Variants in FREM3 observed in about 807,000 individuals in gnomAD.
FREM3 encodes FRAS1-related extracellular matrix protein 3.
A neutral mutation model predicts 129.1 loss-of-function variants in FREM3; 105 were observed. That is an observed-to-expected ratio of 0.81 (90% CI 0.69 to 0.96). The LOEUF (loss-of-function observed/expected upper bound fraction) is 0.96, where lower values mean the gene tolerates loss of function less well. Among genes scored for constraint, FREM3 ranks in the 40% least tolerant of loss-of-function variants. FREM3 has a pLI of 0.00. For missense variants in FREM3, 2,593 were observed against 2,666.3 expected (o/e 0.97, Z 0.61); for synonymous variants, 1,014 against 1,044.9 (o/e 0.97, Z 0.57).
intron 6 of FREM3, among the ~76,000 whole-genome samples, chr4:143,607,770 C>T (rs1032849875): frequency 6.6e-6 from 1 of 152,026 alleles, no homozygotes; most frequent in South Asian, 2.1e-4. Context: ...TATTAGTTTC[C>T]TTTTGTTGCT....
At chr4:143,686,303 A>C (rs2149860799) in intron 2 of FREM3, among the ~76,000 whole-genome samples, 1 of 152,284 alleles carries the variant, frequency 6.6e-6, no homozygotes, top group East Asian at 1.9e-4. Flanking sequence ...TGCACCTAAC[A>C]CTGGAGCTCC....
intron 6 of FREM3, among the ~76,000 whole-genome samples, chr4:143,589,726 T>A (rs1165381660): frequency 6.6e-6 from 1 of 152,210 alleles, no homozygotes; most frequent in East Asian, 1.9e-4. Context: ...CGATGTGGGC[T>A]CTTTTTTGGT....
chr4:143,698,228 G>T lies in FREM3; in HGVS notation c.2448C>A (p.Gly816=), dbSNP rs1308889108. The T allele has an allele frequency of 5.2e-6, 8 of 1,537,286 alleles. No individual in the cohort carries two copies. Among genetic ancestry groups the T allele is most frequent in the Admixed American group, 2.0e-5 (1 of 50,984 alleles). The change falls in exon 1 of 8, where the codon GGC becomes GGA. Residue 816 remains glycine (G), a synonymous_variant. Coordinates refer to ENST00000329798, the MANE Select transcript of FREM3 (RefSeq NM_001168235.2). ...CAGGTTGCAGGAATAATGTGAATGT[G>T]CCTGGCACGCTATTGCCTGCAGCAT... The part of the protein sequence containing the change: ...VEDAAGNSVP[G]TFTLFLQPVD...
chr4:143,664,716 C>T (rs1182118238), intron 2 of FREM3, among the ~76,000 whole-genome samples: 3 of 152,154 alleles, frequency 2.0e-5, no homozygotes, highest in African/African-American at 7.2e-5. Flanking sequence ...GCAGGCAGGC[C>T]TCCTTGAGCT....
chr4:143,642,176 C>T (rs542775545), intron 2 of FREM3, among the ~76,000 whole-genome samples: 5 of 152,084 alleles, frequency 3.3e-5, no homozygotes, highest in African/African-American at 9.6e-5. Flanking sequence ...GGAAAGATAT[C>T]CTGTGTTTCT....
chr4:143,675,528 A>T (rs1219672275), intron 2 of FREM3, among the ~76,000 whole-genome samples: 3 of 152,204 alleles, frequency 2.0e-5, no homozygotes, highest in African/African-American at 7.2e-5. Flanking sequence ...GAAGGCAAGA[A>T]ATAACTAAGA....
At chr4:143,674,061 C>G (rs530845629) in intron 2 of FREM3, among the ~76,000 whole-genome samples, 1 of 152,212 alleles carries the variant, frequency 6.6e-6, no homozygotes, top group Non-Finnish European at 1.5e-5. Flanking sequence ...ATGCCTCGCC[C>G]TGCTTTGGCT....
In FREM3 at chr4:143,646,941, G is replaced by C. The variant is rs182682069; in HGVS notation, c.5276-19181C>G. ...GACTTGTAGGGCTCAGAAGAAGATA[G>C]GAAAATGTGGAAAAGTTTAGAACTT... is the stretch of plus-strand genomic sequence containing the variant. On this transcript the variant is annotated intron_variant, in intron 2 of 7. Transcript: ENST00000329798. Among the ~76,000 whole-genome samples the C allele has an allele frequency of 2.6e-3, 400 of 152,272 alleles. 3 individuals carry two copies. Among genetic ancestry groups the C allele is most frequent in the African/African-American group, 9.1e-3 (380 of 41,548 alleles).
Position 143,699,062 on chromosome 4 carries a change from AG to A in FREM3, c.1613del (p.Pro538LeufsTer30), listed in dbSNP as rs1740638376. ...VDFLFPLTIL[P>X]VDDEPPMVNT... is the part of the protein sequence containing the mutation. ...TGACCATTGGTGGTTCATCATCCAC[AG>A]GTAGGATGGTGAGGGGAAAGAGGAA... On this transcript the variant is annotated frameshift_variant, in exon 1 of 8. Transcript: ENST00000329798. LOFTEE classifies it high-confidence loss of function. The surrounding 1 kb of genome is among the most constrained non-coding windows in gnomAD (Gnocchi z 4.2). The A allele has an allele frequency of 6.5e-7, 1 of 1,537,238 alleles. No individual in the cohort carries two copies. The highest frequency in any genetic ancestry group is 2.0e-5 in the Admixed American group (1 of 50,986).
intron 1 of FREM3, among the ~76,000 whole-genome samples, chr4:143,693,673 G>T (rs986174932): frequency 6.6e-6 from 1 of 152,112 alleles, no homozygotes; most frequent in Non-Finnish European, 1.5e-5. Context: ...CACTACTCAC[G>T]ATAGCAAAGA....
rs1206681951 is a variant in FREM3 at position 143,590,995 on chromosome 4, A to T, written c.6029-5002T>A. ...AGTGTATATGTCGAGGAATTTATCCATTTCTTCTAGATTTTCTAGTTTATT... is the reference window on the plus strand; with the variant it reads ...AGTGTATATGTCGAGGAATTTATCCTTTTCTTCTAGATTTTCTAGTTTATT... On this transcript the variant is annotated intron_variant, in intron 6 of 7. Coordinates refer to ENST00000329798, the MANE Select transcript of FREM3 (RefSeq NM_001168235.2). Among the ~76,000 whole-genome samples, 84 of 152,232 alleles carry T rather than the reference A, an allele frequency of 5.5e-4. No homozygotes were observed. In the East Asian group the frequency reaches 0.016, roughly 29 times the overall value.
chr4:143,682,222 C>A (rs1238471913), intron 2 of FREM3, among the ~76,000 whole-genome samples: 1 of 152,106 alleles, frequency 6.6e-6, no homozygotes, highest in Non-Finnish European at 1.5e-5. Context: ...CTTCCTAGAA[C>A]TAAACTGAAA....
chr4:143,603,975 A>G (rs925303968), intron 6 of FREM3, among the ~76,000 whole-genome samples: 9 of 152,134 alleles, frequency 5.9e-5, no homozygotes, highest in African/African-American at 2.2e-4. Flanking sequence ...TGTGATCCCC[A>G]GTGTTGGAGG....
chr4:143,645,354 A>G (rs892441576), intron 2 of FREM3, among the ~76,000 whole-genome samples: 21 of 152,174 alleles, frequency 1.4e-4, no homozygotes, highest in African/African-American at 4.6e-4. Context: ...TGGAATAGTC[A>G]CTGGGATAGT....
In FREM3 at chr4:143,700,357, T is replaced by A; in HGVS notation, c.319A>T (p.Lys107Ter). ...AAGCGGCGCGGGGAGAGCGCGCCCT[T>A]GAGCCGCGGCAGGGCGTCCAGTACC... is the stretch of plus-strand genomic sequence containing the variant. ...VTVLDALPRLKGALSPRRFPC... is the reference protein window; with the variant it reads ...VTVLDALPRL Residue 107 changes from lysine to a stop codon, truncating the protein, a stop_gained, in exon 1 of 8, where the codon AAG (lysine) becomes TAG (stop). Transcript: ENST00000329798. LOFTEE classifies it high-confidence loss of function. The A allele has an allele frequency of 6.5e-7, 1 of 1,534,900 alleles. No individual in the cohort carries two copies. The highest frequency in any genetic ancestry group is 8.7e-7 in the Non-Finnish European group (1 of 1,146,046).
intron 2 of FREM3, among the ~76,000 whole-genome samples, chr4:143,666,666 A>G (rs1739867561): frequency 6.6e-6 from 1 of 152,184 alleles, no homozygotes; most frequent in South Asian, 2.1e-4. Flanking sequence ...TATGTGAAAT[A>G]TCTAGAAAGG....
At chr4:143,604,583 A>G (rs1738633746) in intron 6 of FREM3, among the ~76,000 whole-genome samples, 1 of 152,188 alleles carries the variant, frequency 6.6e-6, no homozygotes, top group Admixed American at 6.5e-5. Context: ...GATAAAAATA[A>G]GGGCAGATCT....
chr4:143,621,736 G>A (rs559569497), intron 4 of FREM3, among the ~76,000 whole-genome samples: 2 of 152,210 alleles, frequency 1.3e-5, no homozygotes, highest in African/African-American at 2.4e-5. Context: ...GTTTGTGTGT[G>A]TGTGTATGTG....
At position 143,632,835 on chromosome 4, in the gene FREM3, A is replaced by G. The variant is rs375480832; in HGVS notation, c.5276-5075T>C. On this transcript the variant is annotated intron_variant, in intron 2 of 7. Transcript: ENST00000329798. ...TAAAAAAAAAATCCAAAAACCTCAT[A>G]ATGTTTTAAGAAAGTTTACGAATTT... Among the ~76,000 whole-genome samples the G allele has an allele frequency of 4.9e-4, 75 of 152,306 alleles. 1 individual carries two copies. The South Asian group carries it at 0.015, about 30-fold the overall frequency.
Sources: allele counts gnomAD v4.1 joint callset (sites outside exome capture counted in the v4.1 genomes callset), GRCh38; gene constraint gnomAD v4.1.1; non-coding constraint Gnocchi (gnomAD v3.1); transcripts MANE v1.5; gene names NCBI Gene and HGNC (gene_info 2026-07-23, HGNC 2026-07-21).